BRWD1: variants seen among roughly 807,000 people sequenced by gnomAD.
The protein encoded by BRWD1 is bromodomain and WD repeat domain containing 1.
Under a neutral mutation model 251.2 loss-of-function variants are expected in BRWD1, and 82 were observed. That is an observed-to-expected ratio of 0.33 (90% CI 0.27 to 0.39). BRWD1 has a LOEUF of 0.39. Among genes scored for constraint, BRWD1 ranks in the 10% least tolerant of loss-of-function variants. The pLI is 1.00. For synonymous variants in BRWD1, 918 were observed against 902.8 expected (o/e 1.02, Z -0.30); for missense variants, 2,233 against 2,711.6 (o/e 0.82, Z 3.92).
rs780057587 is a variant in BRWD1 at position 39,225,212 on chromosome 21, A to G, written c.3209-15T>C. ...GAATCTGTCACCTAGGAGAGAAATG[A>G]TCAAGTCTGAGGCATTTCTCTGCTA... On this transcript the variant is annotated splice_polypyrimidine_tract_variant and intron_variant, in intron 27 of 40. Transcript: ENST00000342449. 2 of 1,538,366 alleles carry G rather than the reference A, an allele frequency of 1.3e-6. No individual in the cohort carries two copies. Among genetic ancestry groups the G allele is most frequent in the East Asian group, 4.5e-5 (2 of 44,484 alleles).
chr21:39,308,529 C>A lies in BRWD1; in HGVS notation c.198+4312G>T, dbSNP rs1291501580. Among the ~76,000 whole-genome samples, 4 of 151,300 alleles carry A rather than the reference C, an allele frequency of 2.6e-5. No individual in the cohort carries two copies. In the East Asian group the frequency reaches 7.8e-4, roughly 29 times the overall value. On this transcript the variant is annotated intron_variant, in intron 4 of 40. Coordinates refer to ENST00000342449, the MANE Select transcript of BRWD1 (RefSeq NM_033656.4). ...AAAAGTACCAAAAATACTCTTGCCC[C>A]CAAATACAGGTTGGAATAACAGCAT...
rs796752465 is a variant in BRWD1, at chr21:39,308,499, A to G, written c.198+4342T>C. Among the ~76,000 whole-genome samples, 8 of 151,496 alleles carry G rather than the reference A, an allele frequency of 5.3e-5. 1 individual carries two copies. The highest frequency in any genetic ancestry group is 1.9e-4 in the African/African-American group (8 of 41,190). Reference sequence around the variant, plus strand: ...CTTGTCTCAAAAAAAAAAAAAAAAAAAAGCAAAAGTACCAAAAATACTCTT... The same window carrying G: ...CTTGTCTCAAAAAAAAAAAAAAAAAGAAGCAAAAGTACCAAAAATACTCTT... On this transcript the variant is annotated intron_variant, in intron 4 of 40. Coordinates refer to ENST00000342449, the MANE Select transcript of BRWD1 (RefSeq NM_033656.4).
intron 20 of BRWD1, among the ~76,000 whole-genome samples, chr21:39,249,915 G>GTGTGTGT (rs1568915296): frequency 1.1e-3 from 74 of 68,618 alleles, no homozygotes; most frequent in African/African-American, 2.3e-3. Flanking sequence ...AAAGAAGGGG[G>GTGTGTGT]GTGTGTGTGT....
At chr21:39,206,085 C>G in intron 37 of BRWD1, 23 bp downstream of exon 37, 1 of 1,580,986 alleles carries the variant, frequency 6.3e-7, no homozygotes, top group African/African-American at 1.4e-5. Flanking sequence ...ATAAATAAAG[C>G]AAGCTTGCCA....
chr21:39,206,905 T>C (rs2032418159), intron 36 of BRWD1, among the ~76,000 whole-genome samples: 1 of 152,244 alleles, frequency 6.6e-6, no homozygotes, highest in Admixed American at 6.5e-5. Context: ...CCTCCACGAC[T>C]TTTCCTGAAA....
chr21:39,194,705 T>C lies in BRWD1; in HGVS notation c.*1554A>G. The C allele has an allele frequency of 6.5e-7, 1 of 1,535,178 alleles. No homozygotes were observed. The highest frequency in any genetic ancestry group is 1.2e-5 in the South Asian group (1 of 84,032). On this transcript the variant is annotated 3_prime_UTR_variant, in exon 41 of 41. Coordinates refer to ENST00000342449, the MANE Select transcript of BRWD1 (RefSeq NM_033656.4). The stretch of plus-strand genomic sequence containing the variant: ...TCTAACATTAATACCAGTCTGATGC[T>C]TCGCCTTGTCTGCCACTTCAAAGAT...
At chr21:39,251,833 T>A (rs1379575902) in intron 19 of BRWD1, among the ~76,000 whole-genome samples, 2 of 152,128 alleles carry the variant, frequency 1.3e-5, no homozygotes, top group African/African-American at 2.4e-5. Context: ...AATAAAGCAA[T>A]ACATACAATT....
rs2031993764 is a variant in BRWD1, at chr21:39,199,401, T to C, written c.5015A>G (p.Lys1672Arg). The change falls in exon 40 of 41, where the codon AAA becomes AGA. Residue 1672 changes from lysine to arginine, a missense_variant. Physicochemically the swap from Lys to Arg is conservative, Grantham distance 26. Transcript: ENST00000342449. ...ATCTTCAGAATTATGTAATAACTTT[T>C]TTCTAGCTACAGCAGAAGCATTGCG... ...PHRNASAVAR[K>R]KLLHNSEDEQ... The C allele has an allele frequency of 3.1e-6, 5 of 1,614,230 alleles. No individual in the cohort carries two copies. Among genetic ancestry groups the C allele is most frequent in the Non-Finnish European group, 4.2e-6 (5 of 1,180,040 alleles).
At position 39,286,016 on chromosome 21, in the gene BRWD1, C is replaced by CTTTTTTTTTTTTTT. The variant is rs57151774; in HGVS notation, c.832-5782_832-5769dup. 2.9e-4 allele frequency among the ~76,000 whole-genome samples: 30 copies of CTTTTTTTTTTTTTT among 104,762 alleles called. 2 individuals carry two copies. The East Asian group carries it at 4.2e-3, about 15-fold the overall frequency. The allele number at this position is 104,762 out of a possible 152,430, so 68.7% of individuals were successfully genotyped here. A position where few individuals can be genotyped will look rare whatever the true frequency, so the allele number is the denominator to read the frequency against. On this transcript the variant is annotated intron_variant, in intron 8 of 40. Coordinates refer to ENST00000342449, the MANE Select transcript of BRWD1 (RefSeq NM_033656.4). The stretch of plus-strand genomic sequence containing the variant: ...CATAACATAAAACTCACCATATGAA[C>CTTTTTTTTTTTTTT]TTTTTTTTTTTTTTTGAGTCAAGAG...
chr21:39,317,270 G>T (rs2036708559), upstream of BRWD1: 1 of 152,220 alleles, frequency 6.6e-6, no homozygotes, highest in Non-Finnish European at 1.5e-5. Context: ...TACACACTGA[G>T]GTTTGCTTTT....
In BRWD1 at chr21:39,218,476, C is replaced by T. The variant is rs753394532; in HGVS notation, c.3538+29G>A. 23 of 1,538,412 alleles carry T rather than the reference C, an allele frequency of 1.5e-5. No individual in the cohort carries two copies. The South Asian group carries it at 2.9e-4, about 19-fold the overall frequency. On this transcript the variant is annotated intron_variant, in intron 30 of 40. Coordinates refer to ENST00000342449, the MANE Select transcript of BRWD1 (RefSeq NM_033656.4). ...TTTATGAAAAAAATTGAAAAAAAAA[C>T]TTTTCATCCTAAAAAATAAAAAACT...
At chr21:39,258,937 T>C (rs1017517182) in intron 17 of BRWD1, among the ~76,000 whole-genome samples, 6 of 152,264 alleles carry the variant, frequency 3.9e-5, no homozygotes, top group Admixed American at 2.0e-4. Context: ...TGGAAACATA[T>C]TTCTGTAAAA....
At chr21:39,314,495 T>G, upstream of BRWD1, 1 of 367,000 alleles carries the variant, frequency 2.7e-6, no homozygotes, top group Non-Finnish European at 5.5e-6. Flanking sequence ...AGCCGGAAAC[T>G]AGGGAGTCAT....
chr21:39,228,679 T>C, intron 26 of BRWD1, 97 bp from the exon 27 acceptor site: 1 of 599,252 alleles, frequency 1.7e-6, no homozygotes, highest in East Asian at 2.8e-5. Context: ...TCTACGAATG[T>C]AATTTTTAAT....
chr21:39,307,241 G>A (rs370626104), intron 4 of BRWD1, among the ~76,000 whole-genome samples: 26 of 152,072 alleles, frequency 1.7e-4, no homozygotes, highest in African/African-American at 4.8e-4. Context: ...ACTTAGAAGC[G>A]TACAGTTATT....
At chr21:39,301,893 G>GA (rs1555877780) in intron 4 of BRWD1, among the ~76,000 whole-genome samples, 313 of 56,690 alleles carry the variant, frequency 5.5e-3, no homozygotes, top group Middle Eastern at 0.017. Context: ...TTACTGTGCC[G>GA]AAAAAAAAAA....
chr21:39,315,042 G>C (rs902469194), upstream of BRWD1: 1 of 152,190 alleles, frequency 6.6e-6, no homozygotes, highest in Admixed American at 6.5e-5. Context: ...TTGCTCTCAG[G>C]CTGGAGTGCA....
At chr21:39,313,634 GAC>G (rs1555880820), upstream of BRWD1, 2 of 542,876 alleles carry the variant, frequency 3.7e-6, no homozygotes, top group Non-Finnish European at 5.5e-6. Context: ...GCGCCGCCTG[GAC>G]CGACGCCTCC....
At chr21:39,236,865 A>C in intron 22 of BRWD1, 81 bp from the exon 23 acceptor site, 1 of 1,285,316 alleles carries the variant, frequency 7.8e-7, no homozygotes, top group Non-Finnish European at 1.1e-6. Flanking sequence ...AATTGAGGGA[A>C]CAGAGAGAGG....
Sources: gnomAD v4.1 joint callset for allele counts (sites outside exome capture counted in the v4.1 genomes callset) on GRCh38, gnomAD v4.1.1 for gene constraint, MANE v1.5 for transcripts, NCBI Gene and HGNC (gene_info 2026-07-23, HGNC 2026-07-21) for gene names.